Variants in ULK4 observed in about 807,000 individuals in gnomAD.
ULK4 encodes inactive serine/threonine-protein kinase ULK4.
In ULK4, 133 loss-of-function variants were observed where a neutral mutation model predicts 160.6. That is an observed-to-expected ratio of 0.83 (90% CI 0.72 to 0.96). The LOEUF (loss-of-function observed/expected upper bound fraction) is 0.96, where lower values mean the gene tolerates loss of function less well. Ranked by LOEUF, ULK4 falls within the 40% of genes least tolerant of loss-of-function variation. The probability of loss-of-function intolerance (pLI) is 0.00; values close to 1 mark genes in which losing one functional copy is unlikely to be tolerated. For missense variants in ULK4, 1,580 were observed against 1,499.5 expected, an observed-to-expected ratio of 1.05 and a Z score of -0.89; for synonymous variants, 534 against 539.8, an observed-to-expected ratio of 0.99 and a Z score of 0.15.
At chr3:41,884,097 C>T (rs1383864296) in intron 16 of ULK4, 145 bp from the exon 17 acceptor site, 1 of 654,974 alleles carries the variant, frequency 1.5e-6, no homozygotes, top group Non-Finnish European at 2.7e-6. Flanking sequence ...CCCACACTCC[C>T]ACATGTACAC....
chr3:41,365,279 A>G (rs981623622), intron 35 of ULK4, among the ~76,000 whole-genome samples: 1 of 152,238 alleles, frequency 6.6e-6, no homozygotes, highest in African/African-American at 2.4e-5. Context: ...GGGGATAAAC[A>G]AAATTTGACA....
At chr3:41,520,673 C>T (rs1191953246) in intron 32 of ULK4, among the ~76,000 whole-genome samples, 1 of 152,168 alleles carries the variant, frequency 6.6e-6, no homozygotes, top group African/African-American at 2.4e-5. Context: ...TACATTTCTA[C>T]CAGCAATGCG....
chr3:41,249,623 C>T (rs1175549537), intron 35 of ULK4, 49 bp from the exon 36 acceptor site: 1 of 1,578,984 alleles, frequency 6.3e-7, no homozygotes, highest in South Asian at 1.2e-5. Context: ...CCGTCCCTGA[C>T]TCATGCCCTG....
At chr3:41,755,913 G>T (rs2038783893) in intron 21 of ULK4, among the ~76,000 whole-genome samples, 5 of 152,156 alleles carry the variant, frequency 3.3e-5, no homozygotes, top group Admixed American at 3.3e-4. Context: ...AGAATTAGAA[G>T]AGCAAGCATC....
intron 34 of ULK4, among the ~76,000 whole-genome samples, chr3:41,421,551 C>T (rs1260162257): frequency 6.6e-6 from 1 of 152,164 alleles, no homozygotes; most frequent in African/African-American, 2.4e-5. Context: ...TGTTCGCCTT[C>T]AATTTCTTAA....
At chr3:41,789,206 G>A (rs2040080141) in intron 21 of ULK4, among the ~76,000 whole-genome samples, 1 of 152,188 alleles carries the variant, frequency 6.6e-6, no homozygotes, top group Non-Finnish European at 1.5e-5. Context: ...TAAAGGACTA[G>A]AAGAGGATAG....
chr3:41,620,722 C>A (rs993177125), intron 30 of ULK4, among the ~76,000 whole-genome samples: 1 of 152,164 alleles, frequency 6.6e-6, no homozygotes, highest in Non-Finnish European at 1.5e-5. Context: ...AGGATGCCCT[C>A]TCTCACCACT....
In ULK4 at chr3:41,954,747, T is replaced by C. The variant is rs1425049510; in HGVS notation, c.13A>G (p.Ile5Val). The change falls in exon 2 of 37, where the codon ATT becomes GTT. Residue 5 changes from isoleucine (I) to valine (V), a missense_variant. By Grantham distance (29) the Ile-to-Val change is conservative (BLOSUM62 3). Transcript: ENST00000301831. ...CCTCTTCCGATCTCCTCATACAGAATAAAGTTTTCCATCTCTGGGCCGACT... is the reference window on the plus strand; with the variant it reads ...CCTCTTCCGATCTCCTCATACAGAACAAAGTTTTCCATCTCTGGGCCGACT... MENF[I>V]LYEEIGRGSK... is the part of the protein sequence containing the mutation. 1 of 1,612,258 alleles carries C rather than the reference T, an allele frequency of 6.2e-7. No individual in the cohort carries two copies. Among genetic ancestry groups the C allele is most frequent in the South Asian group, 1.1e-5 (1 of 90,612 alleles).
At chr3:41,351,178 C>A (rs1438109457) in intron 35 of ULK4, among the ~76,000 whole-genome samples, 3 of 152,118 alleles carry the variant, frequency 2.0e-5, no homozygotes, top group Non-Finnish European at 4.4e-5. Flanking sequence ...GAACTTTACA[C>A]CCAGCAGTAT....
At chr3:41,836,414 A>G (rs946783455) in intron 17 of ULK4, among the ~76,000 whole-genome samples, 1 of 152,074 alleles carries the variant, frequency 6.6e-6, no homozygotes, top group Non-Finnish European at 1.5e-5. Flanking sequence ...CTCAAGATCC[A>G]CCCACCTCGA....
At chr3:41,638,458 T>C (rs1372572502) in intron 30 of ULK4, among the ~76,000 whole-genome samples, 1 of 152,220 alleles carries the variant, frequency 6.6e-6, no homozygotes, top group Non-Finnish European at 1.5e-5. Flanking sequence ...ATTCTGAAGA[T>C]ACAAAGTGTC....
intron 34 of ULK4, among the ~76,000 whole-genome samples, chr3:41,444,336 T>C (rs67786949): frequency 0.21 from 31,561 of 151,324 alleles, 3,816 homozygotes; most frequent in East Asian, 0.57. Context: ...CTTGGGGGTA[T>C]CTCTTTCTAA....
intron 35 of ULK4, among the ~76,000 whole-genome samples, chr3:41,304,064 A>C (rs1043118020): frequency 3.1e-4 from 47 of 152,118 alleles, no homozygotes; most frequent in African/African-American, 1.1e-3. Context: ...TGAGGTCAGG[A>C]GTTCAAGACC....
intron 34 of ULK4, among the ~76,000 whole-genome samples, chr3:41,405,805 T>A (rs948315949): frequency 1.4e-5 from 2 of 145,070 alleles, no homozygotes; most frequent in Non-Finnish European, 3.0e-5. Flanking sequence ...TCTGCCCATT[T>A]TTTAATGAGT....
intron 21 of ULK4, among the ~76,000 whole-genome samples, chr3:41,773,064 C>T (rs1407740344): frequency 6.6e-6 from 1 of 152,150 alleles, no homozygotes; most frequent in Non-Finnish European, 1.5e-5. Flanking sequence ...ACTGATGGGA[C>T]ATATCTCGAA....
At chr3:41,681,429 C>G in intron 29 of ULK4, 79 bp downstream of exon 29, 1 of 1,579,118 alleles carries the variant, frequency 6.3e-7, no homozygotes, top group Non-Finnish European at 8.6e-7. Flanking sequence ...GACCCCAACC[C>G]CATCACTGAA....
intron 18 of ULK4, among the ~76,000 whole-genome samples, chr3:41,820,661 A>C (rs2041117837): frequency 6.6e-6 from 1 of 152,072 alleles, no homozygotes; most frequent in South Asian, 2.1e-4. Context: ...GGGCTGAAAA[A>C]CTGCATATTG....
rs147491610 is a variant in ULK4 at position 41,475,975 on chromosome 3, G to A, written c.3227-12722C>T. On this transcript the variant is annotated intron_variant, in intron 32 of 36. Transcript: ENST00000301831. ...GGAAAGGATGGAGGGAAAGAGGGAGGGAGGCATGGGAGGGCAGGAGAGAAG... is the reference window on the plus strand; with the variant it reads ...GGAAAGGATGGAGGGAAAGAGGGAGAGAGGCATGGGAGGGCAGGAGAGAAG... 2.3e-3 allele frequency among the ~76,000 whole-genome samples: 337 copies of A among 149,444 alleles called. 3 individuals are homozygous for A. The highest frequency in any genetic ancestry group is 4.9e-3 in the Admixed American group (74 of 14,962).
intron 34 of ULK4, among the ~76,000 whole-genome samples, chr3:41,404,226 ATTT>A (rs60508995): frequency 2.4e-4 from 32 of 131,832 alleles, no homozygotes; most frequent in Admixed American, 3.1e-4. Flanking sequence ...TAGCTCTATC[ATTT>A]TTTTTTTTTT....
Sources: gnomAD v4.1 joint callset for allele counts (sites outside exome capture counted in the v4.1 genomes callset) on GRCh38, gnomAD v4.1.1 for gene constraint, MANE v1.5 for transcripts, NCBI Gene and HGNC (gene_info 2026-07-23, HGNC 2026-07-21) for gene names.